PLA2R1: variants seen among roughly 807,000 people sequenced by gnomAD.
PLA2R1 encodes the protein secretory phospholipase A2 receptor.
PLA2R1 carries 158 observed loss-of-function variants against 195.9 expected under a neutral mutation model. That is an observed-to-expected ratio of 0.81 (90% CI 0.71 to 0.92). The LOEUF (loss-of-function observed/expected upper bound fraction) is 0.92, where lower values mean the gene tolerates loss of function less well. Among genes scored for constraint, PLA2R1 ranks in the 40% least tolerant of loss-of-function variants. PLA2R1 has a pLI of 0.00. For synonymous variants in PLA2R1, 586 were observed against 598.2 expected, an observed-to-expected ratio of 0.98 and a Z score of 0.30; for missense variants, 1,626 against 1,764.6, an observed-to-expected ratio of 0.92 and a Z score of 1.41.
chr2:160,054,030 T>A (rs983518185), intron 1 of PLA2R1, among the ~76,000 whole-genome samples: 2 of 152,228 alleles, frequency 1.3e-5, no homozygotes, highest in Non-Finnish European at 2.9e-5. Context: ...TGAACAAGAT[T>A]AACATTATGT....
intron 8 of PLA2R1, among the ~76,000 whole-genome samples, chr2:160,017,968 G>A (rs2105455279): frequency 6.6e-6 from 1 of 152,294 alleles, no homozygotes; most frequent in South Asian, 2.1e-4. Context: ...TAGATGAATG[G>A]AAGAACAAAT....
intron 3 of PLA2R1, among the ~76,000 whole-genome samples, chr2:160,035,485 A>G (rs116656986): frequency 0.011 from 1,642 of 152,274 alleles, 32 homozygotes; most frequent in African/African-American, 0.038. Context: ...TCTGAAAATC[A>G]AAGGCTGGTG....
At chr2:160,002,116 A>G (rs1338476795) in intron 11 of PLA2R1, among the ~76,000 whole-genome samples, 1 of 151,874 alleles carries the variant, frequency 6.6e-6, no homozygotes, top group Non-Finnish European at 1.5e-5. Flanking sequence ...TTTCTTGACC[A>G]CAGTGCAATT....
intron 24 of PLA2R1, 55 bp downstream of exon 24, chr2:159,951,285 G>A (rs2125930391): frequency 2.2e-6 from 2 of 915,772 alleles, no homozygotes; most frequent in East Asian, 4.8e-5. Context: ...TCATGAAGGA[G>A]GTAGATGCTA....
At chr2:160,004,456 T>C (rs1216887439) in intron 11 of PLA2R1, among the ~76,000 whole-genome samples, 1 of 152,176 alleles carries the variant, frequency 6.6e-6, no homozygotes, top group Admixed American at 6.5e-5. Flanking sequence ...TTTTATATTT[T>C]AGTGTGAGGC....
At chr2:159,931,478 G>C (rs545494695), downstream of PLA2R1, among the ~76,000 whole-genome samples, 6 of 152,288 alleles carry the variant, frequency 3.9e-5, no homozygotes, top group East Asian at 1.2e-3. Context: ...ACATTGCAGT[G>C]AGCTATTATT....
Position 159,939,397 on chromosome 2 carries a change from T to G in PLA2R1, c.*2381A>C, listed in dbSNP as rs1686988531. 6.6e-6 allele frequency: 1 copy of G among 151,082 alleles called. No homozygotes were observed. Among genetic ancestry groups the G allele is most frequent in the Non-Finnish European group, 1.5e-5 (1 of 68,008 alleles). The allele number at this position is 151,082 out of a possible 1,614,324, so 9.4% of individuals were successfully genotyped here. ...GGCATGTGCCTGTAATCACAGCTAC[T>G]CGGGAGGCTGAGGCAGGAAACTTGC... is the stretch of plus-strand genomic sequence containing the variant. On this transcript the variant is annotated 3_prime_UTR_variant, in exon 30 of 30. Coordinates refer to ENST00000283243, the MANE Select transcript of PLA2R1 (RefSeq NM_007366.5).
At chr2:160,054,757 T>C (rs1450698834) in intron 1 of PLA2R1, among the ~76,000 whole-genome samples, 2 of 152,232 alleles carry the variant, frequency 1.3e-5, no homozygotes, top group Non-Finnish European at 2.9e-5. Context: ...TTTTGTTTAT[T>C]TTATGAACAA....
At chr2:160,025,754 A>G (rs561792845) in intron 6 of PLA2R1, among the ~76,000 whole-genome samples, 1 of 152,202 alleles carries the variant, frequency 6.6e-6, no homozygotes, top group Non-Finnish European at 1.5e-5. Context: ...AACAATGAAA[A>G]AAATGGCAGT....
At chr2:160,047,720 G>C (rs1331049744) in intron 1 of PLA2R1, among the ~76,000 whole-genome samples, 4 of 152,218 alleles carry the variant, frequency 2.6e-5, no homozygotes, top group African/African-American at 9.6e-5. Context: ...ATACGAAAGA[G>C]AAAAATACAT....
intron 28 of PLA2R1, among the ~76,000 whole-genome samples, chr2:159,942,508 C>T (rs750362601): frequency 3.9e-5 from 6 of 152,192 alleles, no homozygotes; most frequent in African/African-American, 4.8e-5. Flanking sequence ...TCAGTCCCAG[C>T]ACTGTGCTGC....
chr2:160,035,135 C>CT (rs1302144625), intron 3 of PLA2R1, among the ~76,000 whole-genome samples: 1 of 152,164 alleles, frequency 6.6e-6, no homozygotes, highest in Non-Finnish European at 1.5e-5. Flanking sequence ...ATCTAAAACA[C>CT]TTTTGGGCCC....
intron 1 of PLA2R1, among the ~76,000 whole-genome samples, chr2:160,059,108 A>C (rs1043907579): frequency 6.6e-6 from 1 of 152,148 alleles, no homozygotes; most frequent in African/African-American, 2.4e-5. Context: ...AATAGGGTTT[A>C]TGCTCCTTTG....
intron 15 of PLA2R1, 35 bp from the exon 16 acceptor site, chr2:159,976,755 TG>T (rs777662255): frequency 1.3e-6 from 2 of 1,582,326 alleles, no homozygotes; most frequent in Non-Finnish European, 1.7e-6. Flanking sequence ...TGACTGATCT[TG>T]CTTCTCAAGT....
At chr2:159,942,187 AG>A (rs1411705056) in intron 28 of PLA2R1, 28 bp from the exon 29 acceptor site, 1 of 1,591,746 alleles carries the variant, frequency 6.3e-7, no homozygotes, top group South Asian at 1.1e-5. Context: ...AATTAAAATG[AG>A]GTTTTTCTTT....
chr2:160,057,452 C>T (rs1208367372), intron 1 of PLA2R1, among the ~76,000 whole-genome samples: 3 of 152,220 alleles, frequency 2.0e-5, no homozygotes, highest in African/African-American at 7.2e-5. Context: ...TTTCAGCTCA[C>T]TGAACTTTTA....
intron 11 of PLA2R1, among the ~76,000 whole-genome samples, chr2:160,003,772 A>G (rs188691678): frequency 6.6e-6 from 1 of 152,204 alleles, no homozygotes; most frequent in Non-Finnish European, 1.5e-5. Flanking sequence ...CGACATCAAC[A>G]TAGAGATATT....
chr2:159,934,716 G>A lies in PLA2R1; in HGVS notation c.*7062C>T, dbSNP rs1486196336. On this transcript the variant is annotated 3_prime_UTR_variant, in exon 30 of 30. Coordinates refer to ENST00000283243, the MANE Select transcript of PLA2R1 (RefSeq NM_007366.5). ...ATATTGAAATGATTTTAGGTTTACA[G>A]AAAAATTGCCAACTTAGTCCAGAGA... The A allele has an allele frequency of 6.6e-6, 1 of 152,130 alleles. No individual in the cohort carries two copies. Among genetic ancestry groups the A allele is most frequent in the Non-Finnish European group, 1.5e-5 (1 of 68,022 alleles). 9.4% of individuals were successfully genotyped at this position (152,130 alleles called of 1,614,324 possible).
chr2:160,031,290 TAAC>T lies in PLA2R1; in HGVS notation c.841+1666_841+1668del, dbSNP rs982592416. 2.6e-5 allele frequency among the ~76,000 whole-genome samples: 4 copies of T among 152,296 alleles called. No individual in the cohort carries two copies. The South Asian group carries it at 8.3e-4, about 32-fold the overall frequency. ...TTTATAATACCAACTAATAAATACA[TAAC>T]AAAACAAATAGTTTTATCAATATCT... On this transcript the variant is annotated intron_variant, in intron 4 of 29. Coordinates refer to ENST00000283243, the MANE Select transcript of PLA2R1 (RefSeq NM_007366.5).
Sources: allele counts gnomAD v4.1 joint callset (sites outside exome capture counted in the v4.1 genomes callset), GRCh38; gene constraint gnomAD v4.1.1; transcripts MANE v1.5; gene names NCBI Gene and HGNC (gene_info 2026-07-23, HGNC 2026-07-21).